CAV1: variants seen among roughly 807,000 people sequenced by gnomAD.
CAV1 encodes the protein caveolin 1, also known as caveolin-1.
A neutral mutation model predicts 16.5 loss-of-function variants in CAV1; 10 were observed. The observed-to-expected ratio is 0.61, with a 90% CI of 0.37 to 1.03. The LOEUF (loss-of-function observed/expected upper bound fraction) is 1.03, where lower values mean the gene tolerates loss of function less well. Ranked by LOEUF, CAV1 falls within the 50% of genes least tolerant of loss-of-function variation. The probability of loss-of-function intolerance (pLI) is 0.01; values close to 1 mark genes in which losing one functional copy is unlikely to be tolerated. For synonymous variants in CAV1, 76 were observed against 85.1 expected (o/e 0.89, Z 0.59); for missense variants, 212 against 232.8 (o/e 0.91, Z 0.58).
intron 2 of CAV1, among the ~76,000 whole-genome samples, chr7:116,533,293 G>T (rs751855559): frequency 2.0e-5 from 3 of 150,248 alleles, no homozygotes; most frequent in Non-Finnish European, 3.0e-5. Context: ...AGCCAAGATT[G>T]CGCCACTGCA....
intron 2 of CAV1, among the ~76,000 whole-genome samples, chr7:116,536,991 C>T (rs1053806402): frequency 8.0e-5 from 9 of 113,012 alleles, no homozygotes; most frequent in African/African-American, 3.2e-4. Context: ...GCCTGGGCAA[C>T]AGAGCGAGAC....
rs538361071 is a variant in CAV1 at position 116,547,322 on chromosome 7, G to A, written c.196-11624G>A. Among the ~76,000 whole-genome samples, 9 of 152,230 alleles carry A rather than the reference G, an allele frequency of 5.9e-5. No homozygotes were observed. In the South Asian group the frequency reaches 1.9e-3, roughly 32 times the overall value. Reference sequence around the variant, plus strand: ...GAAAGATTTAGCTTAATTTTTCAAAGTGTAATAAAAACCCCAGGAAAACTC... The same window carrying A: ...GAAAGATTTAGCTTAATTTTTCAAAATGTAATAAAAACCCCAGGAAAACTC... On this transcript the variant is annotated intron_variant, in intron 2 of 2. Transcript: ENST00000341049.
rs184859727 is a variant in CAV1, at chr7:116,526,512, C to T, written c.31-13C>T. The T allele has an allele frequency of 6.2e-7, 1 of 1,613,820 alleles. No homozygotes were observed. Among genetic ancestry groups the T allele is most frequent in the Admixed American group, 1.7e-5 (1 of 60,020 alleles). On this transcript the variant is annotated splice_polypyrimidine_tract_variant and intron_variant, in intron 1 of 2. Coordinates refer to ENST00000341049, the MANE Select transcript of CAV1 (RefSeq NM_001753.5). ...CCTCCCCGTCCTGGCCGTCCGCCCTCCGCCCTCTGCAGGGACATCTCTACA... is the reference window on the plus strand; with the variant it reads ...CCTCCCCGTCCTGGCCGTCCGCCCTTCGCCCTCTGCAGGGACATCTCTACA...
chr7:116,552,461 C>T (rs1482307903), intron 2 of CAV1, among the ~76,000 whole-genome samples: 1 of 152,066 alleles, frequency 6.6e-6, no homozygotes, highest in Non-Finnish European at 1.5e-5. Flanking sequence ...TTTAAGAATG[C>T]TTTCTGCTAC....
At chr7:116,546,821 T>TA (rs1163061665) in intron 2 of CAV1, among the ~76,000 whole-genome samples, 2 of 152,200 alleles carry the variant, frequency 1.3e-5, no homozygotes, top group African/African-American at 2.4e-5. Flanking sequence ...AGGGCTTCCC[T>TA]AAAAAAGTAT....
chr7:116,550,292 G>A (rs1391929026), intron 2 of CAV1, among the ~76,000 whole-genome samples: 1 of 152,114 alleles, frequency 6.6e-6, no homozygotes, highest in Non-Finnish European at 1.5e-5. Flanking sequence ...TCCGCCAGGG[G>A]AGGTTACTTA....
At chr7:116,543,837 T>G (rs1241662430) in intron 2 of CAV1, among the ~76,000 whole-genome samples, 2 of 152,300 alleles carry the variant, frequency 1.3e-5, no homozygotes, top group East Asian at 3.9e-4. Flanking sequence ...TTTGTTTTTG[T>G]TTTTTAACAG....
rs561210191 is a variant in CAV1, at chr7:116,544,748, G to A, written c.196-14198G>A. 7.3e-4 allele frequency among the ~76,000 whole-genome samples: 111 copies of A among 152,306 alleles called. 2 individuals are homozygous for A. Among genetic ancestry groups the A allele is most frequent in the Admixed American group, 3.2e-3 (49 of 15,292 alleles). ...ATTCCAGTCTGAATTCTAGAGGTTA[G>A]TGATTTAGAGAGGCAAGTACGAAAA... On this transcript the variant is annotated intron_variant, in intron 2 of 2. Transcript: ENST00000341049.
At chr7:116,525,149 A>C in intron 1 of CAV1, 57 bp downstream of exon 1, 1 of 1,614,068 alleles carries the variant, frequency 6.2e-7, no homozygotes, top group Non-Finnish European at 8.5e-7. Context: ...CGCTTCTGCT[A>C]TCTGCCTCTC....
At chr7:116,555,522 GA>G (rs1794258521) in intron 2 of CAV1, among the ~76,000 whole-genome samples, 6 of 5,356 alleles carry the variant, frequency 1.1e-3, no homozygotes, top group East Asian at 0.012. Flanking sequence ...GAAAGAAAGA[GA>G]GAGAGAGAGA....
chr7:116,555,425 C>A (rs1015536086), intron 2 of CAV1, among the ~76,000 whole-genome samples: 4 of 134,598 alleles, frequency 3.0e-5, no homozygotes, highest in Admixed American at 7.7e-5. Flanking sequence ...GATGACAGAG[C>A]AAGAACCTGT....
intron 2 of CAV1, among the ~76,000 whole-genome samples, chr7:116,535,581 G>A (rs992522044): frequency 6.6e-6 from 1 of 152,200 alleles, no homozygotes; most frequent in Admixed American, 6.5e-5. Flanking sequence ...CCATTGTTTA[G>A]GGTGGGGGAA....
chr7:116,532,424 GCTCACCTGCGGGGTTGGA>G (rs1793705164), intron 2 of CAV1, among the ~76,000 whole-genome samples: 3 of 152,194 alleles, frequency 2.0e-5, no homozygotes, highest in African/African-American at 7.2e-5. Context: ...GGCTATGTGC[GCTCACCTGCGGGGTTGGA>G]CCTTCCATAA....
intron 2 of CAV1, among the ~76,000 whole-genome samples, chr7:116,558,126 T>C (rs1262903697): frequency 6.6e-6 from 1 of 152,206 alleles, no homozygotes; most frequent in East Asian, 1.9e-4. Context: ...CAGCACACCA[T>C]GATCTAATTT....
intron 2 of CAV1, among the ~76,000 whole-genome samples, chr7:116,557,325 G>A (rs1228057674): frequency 1.3e-5 from 2 of 152,172 alleles, no homozygotes; most frequent in Non-Finnish European, 2.9e-5. Context: ...TTGAATCAAA[G>A]GTGGCTCTTT....
intron 2 of CAV1, 31 bp from the exon 3 acceptor site, chr7:116,558,915 G>T: frequency 6.7e-7 from 1 of 1,497,146 alleles, no homozygotes; most frequent in South Asian, 1.1e-5. Flanking sequence ...CTTCTATTCT[G>T]TGCTCATGTT....
intron 2 of CAV1, among the ~76,000 whole-genome samples, chr7:116,538,749 G>A (rs1486914152): frequency 6.6e-6 from 1 of 152,134 alleles, no homozygotes; most frequent in Non-Finnish European, 1.5e-5. Flanking sequence ...ATTGGGTGAT[G>A]TATTTAAAAA....
At chr7:116,555,544 GAA>G (rs767608797) in intron 2 of CAV1, among the ~76,000 whole-genome samples, 450 of 20,908 alleles carry the variant, frequency 0.022, 42 homozygotes, top group South Asian at 0.039. Context: ...GAGAGAGAGA[GAA>G]AGAAAGAAAG....
intron 2 of CAV1, among the ~76,000 whole-genome samples, chr7:116,546,026 T>C (rs1721240145): frequency 6.6e-6 from 1 of 152,202 alleles, no homozygotes; most frequent in African/African-American, 2.4e-5. Flanking sequence ...TAGTTATTTC[T>C]CCTCAAAGAT....
Sources: gnomAD v4.1 joint callset for allele counts (sites outside exome capture counted in the v4.1 genomes callset) on GRCh38, gnomAD v4.1.1 for gene constraint, MANE v1.5 for transcripts, NCBI Gene and HGNC (gene_info 2026-07-23, HGNC 2026-07-21) for gene names.